Variants in PDE1C observed in about 807,000 individuals in gnomAD.
PDE1C encodes phosphodiesterase 1C, also known as dual specificity calcium/calmodulin-dependent 3',5'-cyclic nucleotide phosphodiesterase 1C.
A neutral mutation model predicts 93.1 loss-of-function variants in PDE1C; 62 were observed. The ratio of observed to expected loss-of-function variants is 0.67; its 90% CI spans 0.54 to 0.82. The LOEUF (loss-of-function observed/expected upper bound fraction) is 0.82. Among genes scored for constraint, PDE1C ranks in the 40% least tolerant of loss-of-function variants. The pLI, the probability that PDE1C is intolerant of heterozygous loss-of-function variation, is 0.00. For synonymous variants in PDE1C, 325 were observed against 310.1 expected (o/e 1.05, Z -0.50); for missense variants, 742 against 884.6 (o/e 0.84, Z 2.04).
intron 3 of PDE1C, among the ~76,000 whole-genome samples, chr7:32,099,186 A>T (rs1486751007): frequency 6.6e-6 from 1 of 152,258 alleles, no homozygotes; most frequent in Admixed American, 6.5e-5. Flanking sequence ...TAAACATGAA[A>T]AAAATGAAGT....
chr7:32,109,248 T>C (rs1798512987), intron 3 of PDE1C, among the ~76,000 whole-genome samples: 1 of 152,176 alleles, frequency 6.6e-6, no homozygotes, highest in Admixed American at 6.5e-5. Flanking sequence ...TAAAAAAGAT[T>C]ATTTAAATCA....
chr7:31,799,741 T>C (rs1205834010), intron 16 of PDE1C, among the ~76,000 whole-genome samples: 1 of 151,732 alleles, frequency 6.6e-6, no homozygotes, highest in Non-Finnish European at 1.5e-5. Flanking sequence ...TTATTTGTTC[T>C]ATGCAAACTA....
At chr7:32,169,003 G>T (rs922802333) in intron 3 of PDE1C, among the ~76,000 whole-genome samples, 7 of 152,168 alleles carry the variant, frequency 4.6e-5, no homozygotes, top group Non-Finnish European at 8.8e-5. Context: ...AGTGGAAGAA[G>T]TAAAATTGAC....
At chr7:32,348,467 C>A (rs1210595127) in intron 1 of PDE1C, among the ~76,000 whole-genome samples, 3 of 142,062 alleles carry the variant, frequency 2.1e-5, no homozygotes, top group African/African-American at 7.7e-5. Flanking sequence ...CAGGTTCATG[C>A]CATTCTCCTG....
intron 2 of PDE1C, among the ~76,000 whole-genome samples, chr7:31,908,460 A>G (rs1800859170): frequency 6.6e-6 from 1 of 152,036 alleles, no homozygotes; most frequent in East Asian, 1.9e-4. Context: ...ACATCCCACC[A>G]CTGCAGGGCG....
intron 2 of PDE1C, among the ~76,000 whole-genome samples, chr7:31,885,709 T>C (rs186147442): frequency 2.1e-3 from 316 of 152,256 alleles, no homozygotes; most frequent in African/African-American, 7.1e-3. Flanking sequence ...TTCTTTTTTT[T>C]CCACAAAGAT....
chr7:32,078,255 T>G (rs938036734), intron 3 of PDE1C, among the ~76,000 whole-genome samples: 1 of 152,168 alleles, frequency 6.6e-6, no homozygotes, highest in Non-Finnish European at 1.5e-5. Flanking sequence ...TCACATGCAG[T>G]CACCACACAA....
At chr7:31,901,031 C>T (rs1045107729) in intron 2 of PDE1C, among the ~76,000 whole-genome samples, 2 of 149,626 alleles carry the variant, frequency 1.3e-5, no homozygotes, top group Non-Finnish European at 3.0e-5. Flanking sequence ...ATAAAGAATA[C>T]ATATTTGGAA....
At chr7:32,120,124 G>A (rs150211533) in intron 3 of PDE1C, among the ~76,000 whole-genome samples, 248 of 152,280 alleles carry the variant, frequency 1.6e-3, no homozygotes, top group Non-Finnish European at 2.3e-3. Flanking sequence ...TGTGTTAGAC[G>A]GCGGCCAGAG....
chr7:31,775,672 G>C lies in PDE1C; in HGVS notation c.1952C>G (p.Thr651Arg). The C allele has an allele frequency of 1.2e-6, 2 of 1,612,562 alleles. No individual in the cohort carries two copies. The highest frequency in any genetic ancestry group is 1.7e-6 in the Non-Finnish European group (2 of 1,179,598). The change falls in exon 17 of 18, where the codon ACG (threonine) becomes AGG (arginine). Residue 651 changes from threonine (T) to arginine (R), a missense_variant. Coordinates refer to ENST00000396191, the MANE Select transcript of PDE1C (RefSeq NM_001191057.4). ...APSTSSTCRLTLPVIKPPLRH... is the reference protein window; with the variant it reads ...APSTSSTCRLRLPVIKPPLRH... The stretch of plus-strand genomic sequence containing the variant: ...CAATGCTGTTTACCCACCTGGCAAC[G>C]TAAGGCGACACGTGGAGCTGGTGCT...
At chr7:32,077,584 T>A (rs7801823) in intron 3 of PDE1C, among the ~76,000 whole-genome samples, 10,909 of 152,210 alleles carry the variant, frequency 0.072, 427 homozygotes, top group African/African-American at 0.084. Context: ...TTATTTATTT[T>A]TTTTGAGACA....
chr7:31,637,039 T>G, the PDE1C span, among the ~76,000 whole-genome samples: 1 of 152,120 alleles, frequency 6.6e-6, no homozygotes, highest in Admixed American at 6.5e-5. Flanking sequence ...TCCAGCTTCA[T>G]CCATGTCCCT....
At chr7:31,653,460 C>T in the PDE1C span, 1 of 152,122 alleles carries the variant, frequency 6.6e-6, no homozygotes, top group Admixed American at 6.5e-5. Flanking sequence ...CTCGGGGGAG[C>T]AGAGGGATGG....
rs756570065 is a variant in PDE1C at position 31,824,910 on chromosome 7, C to T, written c.1363G>A (p.Asp455Asn). 18 of 1,613,324 alleles carry T rather than the reference C, an allele frequency of 1.1e-5. No individual in the cohort carries two copies. The East Asian group carries it at 2.2e-4, about 20-fold the overall frequency. The change falls in exon 13 of 18, where the codon GAT (aspartate) becomes AAT (asparagine). Residue 455 changes from aspartate (D) to asparagine (N), a missense_variant. Physicochemically the swap from Asp to Asn is conservative, Grantham distance 23 (BLOSUM62 1). Around this residue, in one of 4 missense-constraint regions of PDE1C, gnomAD observed 454 missense variants for 459.4 expected, o/e 0.99. Transcript: ENST00000396191. ...MTEKIVSPLIDETSQTGGTGQ... is the reference protein window; with the variant it reads ...MTEKIVSPLINETSQTGGTGQ... ...GTCCCACCAGTTTGAGAGGTTTCAT[C>T]GATTAATGGACTCACAATCTTCTCG... is the stretch of plus-strand genomic sequence containing the variant.
the PDE1C span, among the ~76,000 whole-genome samples, chr7:31,731,669 T>G: frequency 6.6e-6 from 1 of 152,218 alleles, no homozygotes; most frequent in East Asian, 1.9e-4. Flanking sequence ...ATGACAGGCG[T>G]GAGCCACTGC....
rs1583451641 is a variant in PDE1C at position 31,816,081 on chromosome 7, G to A, written c.1656C>T (p.Ala552=). 1 of 1,613,938 alleles carries A rather than the reference G, an allele frequency of 6.2e-7. No homozygotes were observed. The highest frequency in any genetic ancestry group is 8.5e-7 in the Non-Finnish European group (1 of 1,179,940). ...ATGCGCCTTCTTCAGCCTGGCTTTT[G>A]GCTTCCATTTCCTTTTGCTGCTCCT... ...AAEEQQKEME[A]KSQAEEGASG... Residue 552 remains alanine, a synonymous_variant, in exon 15 of 18, where the codon GCC becomes GCT. Coordinates refer to ENST00000396191, the MANE Select transcript of PDE1C (RefSeq NM_001191057.4).
intron 2 of PDE1C, among the ~76,000 whole-genome samples, chr7:32,005,555 CAAAAAAAAAAAAAAAA>C (rs59246166): frequency 2.4e-4 from 12 of 50,720 alleles, no homozygotes; most frequent in African/African-American, 3.2e-4. Flanking sequence ...GACTCCATTT[CAAAAAAAAAAAAAAAA>C]AAAAAAAAAA....
rs1209941441 is a variant in PDE1C, at chr7:32,414,623, T to TG, written c.310+13198_310+13199insC. On this transcript the variant is annotated intron_variant, in intron 1 of 1. Coordinates refer to the PDE1C transcript ENST00000672256. ...AGTTGGCATTTGGTAGCATCAAGTA[T>TG]CTCCTTTCCAGCTGATCAGAATGGC... is the stretch of plus-strand genomic sequence containing the variant. Among the ~76,000 whole-genome samples the TG allele has an allele frequency of 1.5e-3, 221 of 152,278 alleles. 2 individuals carry two copies. Among genetic ancestry groups the TG allele is most frequent in the Non-Finnish European group, 2.6e-4 (18 of 68,018 alleles).
chr7:32,083,416 GA>G (rs1326415858), intron 3 of PDE1C, among the ~76,000 whole-genome samples: 1 of 152,082 alleles, frequency 6.6e-6, no homozygotes, highest in Non-Finnish European at 1.5e-5. Flanking sequence ...AACCAAGTTG[GA>G]AAACACTCTG....
Sources: allele counts gnomAD v4.1 joint callset (sites outside exome capture counted in the v4.1 genomes callset), GRCh38; gene constraint gnomAD v4.1.1; regional missense constraint gnomAD v4.1.1; transcripts MANE v1.5; gene names NCBI Gene and HGNC (gene_info 2026-07-23, HGNC 2026-07-21).